Variants in ANKRD33B observed in about 807,000 individuals in gnomAD.
The protein encoded by ANKRD33B is ankyrin repeat domain-containing protein 33B.
A neutral mutation model predicts 21.5 loss-of-function variants in ANKRD33B; 6 were observed. The observed-to-expected ratio is 0.28, with a 90% confidence interval of 0.15 to 0.55. ANKRD33B has a LOEUF of 0.55. Ranked by LOEUF, ANKRD33B falls within the 20% of genes least tolerant of loss-of-function variation. The pLI is 0.94. For synonymous variants in ANKRD33B, 347 were observed against 342.4 expected (o/e 1.01, Z -0.15); for missense variants, 698 against 747.2 (o/e 0.93, Z 0.77).
chr5:10,569,417 T>G (rs908382484), intron 1 of ANKRD33B, among the ~76,000 whole-genome samples: 32 of 151,812 alleles, frequency 2.1e-4, no homozygotes, highest in Non-Finnish European at 8.8e-5. Context: ...GGCAACATGG[T>G]GAAAGCCCAT....
Position 10,656,466 on chromosome 5 carries a change from A to G in ANKRD33B, c.*6353A>G, listed in dbSNP as rs1007254708. 5 of 152,456 alleles carry G rather than the reference A, an allele frequency of 3.3e-5. No homozygotes were observed. Among genetic ancestry groups the G allele is most frequent in the African/African-American group, 1.2e-4 (5 of 41,458 alleles). 9.4% of individuals were successfully genotyped at this position (152,456 alleles called of 1,614,324 possible). On this transcript the variant is annotated 3_prime_UTR_variant, in exon 4 of 4. Coordinates refer to ENST00000296657, the MANE Select transcript of ANKRD33B (RefSeq NM_001164440.2). Reference sequence around the variant, plus strand: ...ATACATCCAGATGAACTAAAGGGACACTGGGCTTTGTGCTGGCAAAGGTTA... The same window carrying G: ...ATACATCCAGATGAACTAAAGGGACGCTGGGCTTTGTGCTGGCAAAGGTTA...
chr5:10,615,692 A>C (rs1736269244), intron 1 of ANKRD33B, among the ~76,000 whole-genome samples: 1 of 152,186 alleles, frequency 6.6e-6, no homozygotes, highest in Admixed American at 6.5e-5. Flanking sequence ...ATAAATATGA[A>C]TTACTTGTGT....
At chr5:10,571,360 C>T (rs952888123) in intron 1 of ANKRD33B, among the ~76,000 whole-genome samples, 2 of 152,100 alleles carry the variant, frequency 1.3e-5, no homozygotes, top group African/African-American at 4.8e-5. Flanking sequence ...CGTCACGATG[C>T]CCAGCTAAAT....
intron 3 of ANKRD33B, among the ~76,000 whole-genome samples, chr5:10,647,174 G>C (rs147470906): frequency 6.6e-6 from 1 of 151,544 alleles, no homozygotes; most frequent in Middle Eastern, 3.4e-3. Context: ...GTGCGATCTC[G>C]GCTCACTGCA....
At chr5:10,634,251 A>G (rs1185448946) in intron 2 of ANKRD33B, among the ~76,000 whole-genome samples, 1 of 152,142 alleles carries the variant, frequency 6.6e-6, no homozygotes, top group Non-Finnish European at 1.5e-5. Flanking sequence ...CATTGTCTAC[A>G]CTATGTTCCA....
At chr5:10,606,072 G>A (rs1402077906) in intron 1 of ANKRD33B, among the ~76,000 whole-genome samples, 1 of 152,174 alleles carries the variant, frequency 6.6e-6, no homozygotes, top group Non-Finnish European at 1.5e-5. Context: ...CCAGTGTTGG[G>A]AAAATTAGAT....
chr5:10,623,873 G>T (rs1736480067), intron 2 of ANKRD33B, among the ~76,000 whole-genome samples: 1 of 152,202 alleles, frequency 6.6e-6, no homozygotes, highest in South Asian at 2.1e-4. Flanking sequence ...TGGCCTGGCT[G>T]ATGTTCTTGG....
At chr5:10,613,898 CAA>C (rs34433484) in intron 1 of ANKRD33B, among the ~76,000 whole-genome samples, 32 of 109,006 alleles carry the variant, frequency 2.9e-4, no homozygotes, top group African/African-American at 4.8e-4. Context: ...GACTCCATCT[CAA>C]AAAAAAAAAA....
rs1423751805 is a variant in ANKRD33B, at chr5:10,564,582, G to C, written c.115G>C (p.Glu39Gln). Residue 39 changes from glutamate to glutamine, a missense_variant, in exon 1 of 4, where the codon GAG becomes CAG. By Grantham distance (29) the Glu-to-Gln change is conservative (BLOSUM62 2). Coordinates refer to ENST00000296657, the MANE Select transcript of ANKRD33B (RefSeq NM_001164440.2). The part of the protein sequence containing the change: ...QVEEDPADYE[E>Q]FEDFSSLPDT... ...CGAGGAGGACCCCGCTGACTACGAA[G>C]AGTTTGAGGACTTCTCGAGTCTGCC... The C allele has an allele frequency of 8.3e-5, 127 of 1,534,508 alleles. No homozygotes were observed. Among genetic ancestry groups the C allele is most frequent in the Non-Finnish European group, 1.1e-4 (124 of 1,146,590 alleles).
chr5:10,637,964 C>T, intron 2 of ANKRD33B, 64 bp from the exon 3 acceptor site: 1 of 1,506,828 alleles, frequency 6.6e-7, no homozygotes, highest in African/African-American at 1.4e-5. Context: ...CTAGGAAGGC[C>T]TGGCTGGAAC....
At chr5:10,591,814 G>GTTTATA (rs10667551) in intron 1 of ANKRD33B, among the ~76,000 whole-genome samples, 84,898 of 151,102 alleles carry the variant, frequency 0.56, 24,293 homozygotes, top group East Asian at 0.7. Flanking sequence ...TAATATTTCT[G>GTTTATA]TTTAAATCAT....
At chr5:10,613,378 G>A (rs941062049) in intron 1 of ANKRD33B, among the ~76,000 whole-genome samples, 8 of 150,382 alleles carry the variant, frequency 5.3e-5, no homozygotes, top group African/African-American at 1.5e-4. Flanking sequence ...TCTGCCTCCC[G>A]GGTTCATGCC....
intron 1 of ANKRD33B, among the ~76,000 whole-genome samples, chr5:10,582,368 C>G (rs1312047340): frequency 1.3e-5 from 2 of 152,174 alleles, no homozygotes; most frequent in Admixed American, 6.5e-5. Context: ...CCTTCCTCAT[C>G]TCCTGTATCC....
At chr5:10,581,708 AG>A (rs1214592415) in intron 1 of ANKRD33B, among the ~76,000 whole-genome samples, 1 of 152,202 alleles carries the variant, frequency 6.6e-6, no homozygotes, top group Admixed American at 6.5e-5. Flanking sequence ...CTTTAAGTCA[AG>A]GAGATTACCC....
chr5:10,579,009 CAA>C (rs1403812043), intron 1 of ANKRD33B, among the ~76,000 whole-genome samples: 1 of 151,882 alleles, frequency 6.6e-6, no homozygotes, highest in African/African-American at 2.4e-5. Flanking sequence ...ACAAAAAATA[CAA>C]AAGTTTTCTG....
chr5:10,635,931 G>A (rs977462408), intron 2 of ANKRD33B, among the ~76,000 whole-genome samples: 3 of 152,248 alleles, frequency 2.0e-5, no homozygotes, highest in Admixed American at 6.5e-5. Context: ...AGCCGCAGCG[G>A]GGAATCCTGG....
chr5:10,613,880 C>G (rs1446932549), intron 1 of ANKRD33B, among the ~76,000 whole-genome samples: 1 of 146,268 alleles, frequency 6.8e-6, no homozygotes, highest in East Asian at 2.0e-4. Flanking sequence ...AGCCTGGTGA[C>G]AGAGAGAGAC....
chr5:10,630,830 G>A (rs377757950), intron 2 of ANKRD33B, among the ~76,000 whole-genome samples: 9 of 146,204 alleles, frequency 6.2e-5, no homozygotes, highest in East Asian at 6.1e-4. Flanking sequence ...CCAAGGTCGC[G>A]CCACTGCACT....
At chr5:10,624,786 C>T (rs1454609541) in intron 2 of ANKRD33B, 12 of 456,684 alleles carry the variant, frequency 2.6e-5, no homozygotes, top group East Asian at 2.1e-4. Context: ...CTTGCGCCTC[C>T]GGCGTCAGCA....
Sources: gnomAD v4.1 joint callset for allele counts (sites outside exome capture counted in the v4.1 genomes callset) on GRCh38, gnomAD v4.1.1 for gene constraint, MANE v1.5 for transcripts, NCBI Gene and HGNC (gene_info 2026-07-23, HGNC 2026-07-21) for gene names.